Variants in GDF5 observed in about 807,000 individuals in gnomAD.
GDF5 encodes growth/differentiation factor 5.
Under a neutral mutation model 34.6 loss-of-function variants are expected in GDF5, and 17 were observed. The observed-to-expected ratio is 0.49, with a 90% CI of 0.34 to 0.74. The LOEUF (loss-of-function observed/expected upper bound fraction) is 0.74. Among genes scored for constraint, GDF5 ranks in the 30% least tolerant of loss-of-function variants. The probability of loss-of-function intolerance (pLI) is 0.01; values close to 1 mark genes in which losing one functional copy is unlikely to be tolerated. For missense variants in GDF5, 616 were observed against 661.2 expected (o/e 0.93, Z 0.75); for synonymous variants, 332 against 290.7 (o/e 1.14, Z -1.44).
upstream of GDF5, among the ~76,000 whole-genome samples, chr20:35,443,070 C>T (rs1461101760): frequency 6.6e-6 from 1 of 152,038 alleles, no homozygotes; most frequent in Admixed American, 6.6e-5. Context: ...GAGGCCAGGG[C>T]TATTGTTTGA....
upstream of GDF5, among the ~76,000 whole-genome samples, chr20:35,439,079 C>T (rs1311826520): frequency 6.6e-6 from 1 of 151,896 alleles, no homozygotes; most frequent in East Asian, 1.9e-4. Flanking sequence ...GGGGCACTGT[C>T]GCCCTTAAGT....
chr20:35,453,263 A>G (rs1442044358), intron 1 of GDF5, among the ~76,000 whole-genome samples: 1 of 152,142 alleles, frequency 6.6e-6, no homozygotes, highest in African/African-American at 2.4e-5. Context: ...AAGAAAAGAA[A>G]CAGAAGACTA....
At chr20:35,443,792 G>T (rs1217581882) in intron 1 of GDF5, among the ~76,000 whole-genome samples, 1 of 152,104 alleles carries the variant, frequency 6.6e-6, no homozygotes, top group Non-Finnish European at 1.5e-5. Context: ...GATTACAGGC[G>T]TGAGCCACTG....
chr20:35,437,983 C>T lies in GDF5; in HGVS notation c.-55G>A, dbSNP rs1429525393. ...GAGAACAGCGGCAGCAGCGAAGGTG[C>T]CTCTGGTTTGGCAGGAAAAACCATG... On this transcript the variant is annotated 5_prime_UTR_variant, in exon 1 of 2. Transcript: ENST00000374369. The T allele has an allele frequency of 1.2e-5, 19 of 1,604,380 alleles. No homozygotes were observed. The highest frequency in any genetic ancestry group is 5.1e-6 in the Non-Finnish European group (6 of 1,174,678).
Position 35,438,147 on chromosome 20 carries a change from C to A in GDF5, c.-219G>T. 1.7e-6 allele frequency: 1 copy of A among 599,108 alleles called. No individual in the cohort carries two copies. Among genetic ancestry groups the A allele is most frequent in the South Asian group, 2.0e-5 (1 of 50,538 alleles). The allele number at this position is 599,108 out of a possible 1,614,324, so 37.1% of individuals were successfully genotyped here. A position where few individuals can be genotyped will look rare whatever the true frequency, so the allele number is the denominator to read the frequency against. ...TAGTGGAAATGCTCTCGTATCCAGA[C>A]GTGCACCGTCTCCAGTCAGCAGCTG... On this transcript the variant is annotated 5_prime_UTR_variant, in exon 1 of 2. Transcript: ENST00000374369.
intron 1 of GDF5, among the ~76,000 whole-genome samples, chr20:35,452,183 G>A (rs1487727966): frequency 7.1e-6 from 1 of 140,934 alleles, no homozygotes; most frequent in Non-Finnish European, 1.5e-5. Flanking sequence ...TCACACACCA[G>A]CTAATTCCAC....
chr20:35,434,102 C>T lies in GDF5; in HGVS notation c.1313G>A (p.Arg438His), dbSNP rs74315388. 3.1e-6 allele frequency: 5 copies of T among 1,613,932 alleles called. No individual in the cohort carries two copies. Among genetic ancestry groups the T allele is most frequent in the Non-Finnish European group, 4.2e-6 (5 of 1,179,958 alleles). The change falls in exon 2 of 2, where the codon CGC (arginine) becomes CAC (histidine). Residue 438 changes from arginine to histidine, a missense_variant. Physicochemically the swap from Arg to His is conservative, Grantham distance 29. Transcript: ENST00000374369. Reference sequence around the variant, plus strand: ...ATGATTCGTGGGCTCCAGGTGGGAGCGCAATGGGAACTCGCACAGCCCCTC... The same window carrying T: ...ATGATTCGTGGGCTCCAGGTGGGAGTGCAATGGGAACTCGCACAGCCCCTC... ...HCEGLCEFPL[R>H]SHLEPTNHAV...
intron 1 of GDF5, among the ~76,000 whole-genome samples, chr20:35,445,633 C>T (rs1316754036): frequency 6.6e-6 from 1 of 151,646 alleles, no homozygotes; most frequent in Non-Finnish European, 1.5e-5. Flanking sequence ...CATTGCACTC[C>T]AGTCTGGGCG....
upstream of GDF5, chr20:35,441,158 T>C (rs1003151772): frequency 1.4e-4 from 21 of 152,214 alleles, no homozygotes; most frequent in African/African-American, 5.1e-4. Context: ...GGTTCTGCTA[T>C]TTATGTATTG....
At chr20:35,442,149 CT>C (rs886681768), upstream of GDF5, among the ~76,000 whole-genome samples, 1 of 151,868 alleles carries the variant, frequency 6.6e-6, no homozygotes, top group East Asian at 1.9e-4. Context: ...CCGAAAGTAA[CT>C]TTTTTTATTT....
At chr20:35,447,185 T>C (rs988156033) in intron 1 of GDF5, among the ~76,000 whole-genome samples, 10 of 152,152 alleles carry the variant, frequency 6.6e-5, no homozygotes, top group African/African-American at 2.4e-4. Flanking sequence ...GTATATCTCC[T>C]AATGCTACCC....
Position 35,437,585 on chromosome 20 carries a change from C to G in GDF5, c.344G>C (p.Arg115Thr). 6.2e-7 allele frequency: 1 copy of G among 1,614,170 alleles called. No homozygotes were observed. ...GGTCACAGTCCGGGCTGTAGCCTGC[C>G]TTGTTTGGGGAGGGTGTCCTGGCTT... Reference protein sequence around the residue: ...EPKPGHPPQTRQATARTVTPK... With the variant: ...EPKPGHPPQTTQATARTVTPK... The change falls in exon 1 of 2, where the codon AGG (arginine) becomes ACG (threonine). Residue 115 changes from arginine (R) to threonine (T), a missense_variant. By Grantham distance (71) the Arg-to-Thr change is moderately conservative. Coordinates refer to ENST00000374369, the MANE Select transcript of GDF5 (RefSeq NM_000557.5).
intron 1 of GDF5, 151 bp downstream of exon 1, chr20:35,437,147 T>C: frequency 1.6e-6 from 1 of 640,730 alleles, no homozygotes; most frequent in Non-Finnish European, 2.7e-6. Context: ...ATCTGCTATG[T>C]GTGAGATATG....
upstream of GDF5, chr20:35,441,346 G>A (rs1484648681): frequency 6.6e-6 from 1 of 151,760 alleles, no homozygotes; most frequent in African/African-American, 2.4e-5. Flanking sequence ...GAGGTCAGGA[G>A]ATCAAGACCA....
At chr20:35,450,596 T>C (rs937171732) in intron 1 of GDF5, among the ~76,000 whole-genome samples, 4 of 152,042 alleles carry the variant, frequency 2.6e-5, no homozygotes, top group Admixed American at 1.3e-4. Flanking sequence ...CATCAAAGCA[T>C]CATGGGGTGC....
intron 1 of GDF5, among the ~76,000 whole-genome samples, chr20:35,451,794 A>G (rs1390193351): frequency 2.0e-5 from 3 of 151,966 alleles, no homozygotes; most frequent in African/African-American, 7.3e-5. Flanking sequence ...TTGGCCTTCT[A>G]AAGTGCTGGG....
At chr20:35,443,089 G>A (rs2062503238), upstream of GDF5, among the ~76,000 whole-genome samples, 1 of 152,064 alleles carries the variant, frequency 6.6e-6, no homozygotes, top group Admixed American at 6.6e-5. Context: ...GAGGAACAGG[G>A]AACTCCCAGA....
chr20:35,435,900 G>T (rs1343503226), intron 1 of GDF5, among the ~76,000 whole-genome samples: 1 of 152,196 alleles, frequency 6.6e-6, no homozygotes, highest in East Asian at 1.9e-4. Flanking sequence ...GTATATGCAT[G>T]ATTGATCTTG....
At chr20:35,440,244 T>C (rs779586268), upstream of GDF5, among the ~76,000 whole-genome samples, 5 of 148,502 alleles carry the variant, frequency 3.4e-5, no homozygotes, top group Non-Finnish European at 7.4e-5. Context: ...AGGCAAAGGT[T>C]GCAGTGAGCC....
Sources: allele counts gnomAD v4.1 joint callset (sites outside exome capture counted in the v4.1 genomes callset), GRCh38; gene constraint gnomAD v4.1.1; transcripts MANE v1.5; gene names NCBI Gene and HGNC (gene_info 2026-07-23, HGNC 2026-07-21).